The following MARCHF10 variants were observed in gnomAD, a reference collection of about 807,000 sequenced individuals.
MARCHF10 encodes membrane associated ring-CH-type finger 10.
A neutral mutation model predicts 76.2 loss-of-function variants in MARCHF10; 64 were observed. The observed-to-expected ratio is 0.84, with a 90% CI of 0.69 to 1.03. MARCHF10 has a LOEUF of 1.03. Ranked by LOEUF, MARCHF10 falls within the 50% of genes least tolerant of loss-of-function variation. The probability of loss-of-function intolerance (pLI) is 0.00; values close to 1 mark genes in which losing one functional copy is unlikely to be tolerated. For synonymous variants in MARCHF10, 340 were observed against 357.5 expected, an observed-to-expected ratio of 0.95 and a Z score of 0.55; for missense variants, 875 against 958.0, an observed-to-expected ratio of 0.91 and a Z score of 1.14.
chr17:62,743,932 C>G (rs746063417), intron 5 of MARCHF10, among the ~76,000 whole-genome samples: 1 of 152,178 alleles, frequency 6.6e-6, no homozygotes, highest in Non-Finnish European at 1.5e-5. Context: ...CTGTCACCCA[C>G]AGACACACAT....
At chr17:62,744,151 C>T (rs1187686808) in intron 5 of MARCHF10, among the ~76,000 whole-genome samples, 1 of 152,160 alleles carries the variant, frequency 6.6e-6, no homozygotes, top group Non-Finnish European at 1.5e-5. Context: ...AGATATCCCC[C>T]CCGACCCCGC....
At chr17:62,800,044 AT>A (rs1445236418) in intron 2 of MARCHF10, among the ~76,000 whole-genome samples, 1 of 152,154 alleles carries the variant, frequency 6.6e-6, no homozygotes, top group Non-Finnish European at 1.5e-5. Context: ...TATTTTCCTC[AT>A]TGTATTTATC....
chr17:62,726,145 C>T (rs1255743570), intron 6 of MARCHF10: 1 of 152,130 alleles, frequency 6.6e-6, no homozygotes, highest in Admixed American at 6.5e-5. Context: ...TAAGAACTAA[C>T]GAAAATGTAA....
intron 3 of MARCHF10, among the ~76,000 whole-genome samples, chr17:62,786,908 T>C (rs1254502041): frequency 1.3e-5 from 2 of 152,210 alleles, no homozygotes; most frequent in African/African-American, 2.4e-5. Flanking sequence ...GCAATTCCAA[T>C]CTGGGAAGAC....
intron 6 of MARCHF10, among the ~76,000 whole-genome samples, chr17:62,732,475 G>C (rs554063768): frequency 6.6e-6 from 1 of 152,234 alleles, no homozygotes; most frequent in East Asian, 1.9e-4. Context: ...GATCAACAGG[G>C]AACTATCCCA....
intron 10 of MARCHF10, 158 bp downstream of exon 10, chr17:62,705,381 T>C: frequency 6.5e-7 from 1 of 1,534,930 alleles, no homozygotes; most frequent in Non-Finnish European, 8.7e-7. Flanking sequence ...CCTTCCTGAT[T>C]GTTTGCTGCG....
chr17:62,783,234 T>A (rs2092693202), intron 3 of MARCHF10, among the ~76,000 whole-genome samples: 1 of 149,332 alleles, frequency 6.7e-6, no homozygotes, highest in African/African-American at 2.5e-5. Flanking sequence ...TTTTACTATG[T>A]TTTTCTTAAA....
Position 62,701,639 on chromosome 17 carries a change from T to C in MARCHF10, c.*64A>G. 18 of 1,612,400 alleles carry C rather than the reference T, an allele frequency of 1.1e-5. No homozygotes were observed. Among genetic ancestry groups the C allele is most frequent in the Non-Finnish European group, 1.5e-5 (18 of 1,179,678 alleles). ...AAAGAGGAGGAGGGAGGGAGGCACT[T>C]GGGGACGTAGAAAGAAGGGCTGGCG... On this transcript the variant is annotated 3_prime_UTR_variant, in exon 11 of 11. Coordinates refer to ENST00000311269, the MANE Select transcript of MARCHF10 (RefSeq NM_152598.4).
Position 62,737,271 on chromosome 17 carries a change from C to T in MARCHF10, c.597G>A (p.Glu199=). ...CNTKLKRPNQ[E]RRNLVPSSQP... ...GTGACGATGGGACCAAGTTTCTTCTCTCTTGATTTGGCCTCTTCAGCTTAG... is the reference window on the plus strand; with the variant it reads ...GTGACGATGGGACCAAGTTTCTTCTTTCTTGATTTGGCCTCTTCAGCTTAG... The change falls in exon 6 of 11, where the codon GAG becomes GAA. Residue 199 remains glutamate (E), a synonymous_variant. Transcript: ENST00000311269. 1 of 1,613,770 alleles carries T rather than the reference C, an allele frequency of 6.2e-7. No individual in the cohort carries two copies. The highest frequency in any genetic ancestry group is 8.5e-7 in the Non-Finnish European group (1 of 1,179,970).
intron 4 of MARCHF10, among the ~76,000 whole-genome samples, chr17:62,745,113 T>C (rs2091658794): frequency 6.6e-6 from 1 of 151,622 alleles, no homozygotes. Flanking sequence ...TTTTCTTTTT[T>C]TTTTTTTAAG....
At chr17:62,746,850 C>G in intron 4 of MARCHF10, 1 of 1,517,870 alleles carries the variant, frequency 6.6e-7, no homozygotes, top group African/African-American at 1.4e-5. Flanking sequence ...CACTGAGCCC[C>G]GCCACTGCAT....
intron 9 of MARCHF10, among the ~76,000 whole-genome samples, chr17:62,706,924 G>T (rs1331322902): frequency 6.6e-6 from 1 of 152,214 alleles, no homozygotes; most frequent in Non-Finnish European, 1.5e-5. Context: ...TCACCTCAAA[G>T]GTGGGGTAAA....
rs2089988096 is a variant in MARCHF10, at chr17:62,712,597, C to T, written c.2215-1253G>A. ...AGATCACTGCTGCAGGCCTCTCCAC[C>T]ATTCTACAGATCCATCTTCGAAGGC... On this transcript the variant is annotated intron_variant, in intron 8 of 10. Coordinates refer to ENST00000311269, the MANE Select transcript of MARCHF10 (RefSeq NM_152598.4). This position sits in a 1 kb window ranked among gnomAD's most constrained non-coding sequence, Gnocchi z 4.2. Among the ~76,000 whole-genome samples the T allele has an allele frequency of 2.6e-5, 4 of 152,226 alleles. No individual in the cohort carries two copies.
intron 2 of MARCHF10, among the ~76,000 whole-genome samples, chr17:62,797,173 A>C (rs1228712016): frequency 1.3e-5 from 2 of 152,178 alleles, no homozygotes; most frequent in Non-Finnish European, 2.9e-5. Context: ...AAGTCTTTAA[A>C]CTGTACACTT....
chr17:62,735,993 TG>T lies in MARCHF10; in HGVS notation c.1874del (p.Thr625LysfsTer9). On this transcript the variant is annotated frameshift_variant, in exon 6 of 11. Coordinates refer to ENST00000311269, the MANE Select transcript of MARCHF10 (RefSeq NM_152598.4). LOFTEE classifies it high-confidence loss of function. ...TTATCTTACTGGTTTCCTTTTCATC[TG>T]TGAAACCAGAGGCTGCCATCCTGCT... ...NGSRMAASGF[T>X]DEKETSKIKA... 6.2e-7 allele frequency: 1 copy of T among 1,613,916 alleles called. No homozygotes were observed. The highest frequency in any genetic ancestry group is 2.2e-5 in the East Asian group (1 of 44,886).
intron 9 of MARCHF10, among the ~76,000 whole-genome samples, chr17:62,708,763 C>T (rs995088350): frequency 4.6e-5 from 7 of 152,196 alleles, no homozygotes; most frequent in African/African-American, 1.7e-4. Flanking sequence ...TTCCTGGTAT[C>T]CATAGTGCCA....
At position 62,808,136 on chromosome 17, in the gene MARCHF10, G is replaced by C. The variant is rs1311590850; in HGVS notation, c.-77C>G. On this transcript the variant is annotated 5_prime_UTR_variant, in exon 1 of 11. Transcript: ENST00000311269. ...CAGGGGTCGAGGGGCTGGGCGGGCG[G>C]GCCGGTCCAGGGCGCAGGAGCCGCC... 1 of 140,874 alleles carries C rather than the reference G, an allele frequency of 7.1e-6. No homozygotes were observed. The highest frequency in any genetic ancestry group is 1.6e-5 in the Non-Finnish European group (1 of 64,118). 8.7% of individuals were successfully genotyped at this position (140,874 alleles called of 1,614,324 possible).
rs1226039125 is a variant in MARCHF10, at chr17:62,724,925, C to T, written c.2104+13G>A. On this transcript the variant is annotated intron_variant, in intron 7 of 10. Transcript: ENST00000311269. ...TGTCGTGGCACGTTCACTGCACTTC[C>T]TTCCCCACCTACCTGATGTTATTTT... The T allele has an allele frequency of 1.2e-6, 2 of 1,610,732 alleles. No individual in the cohort carries two copies. Among genetic ancestry groups the T allele is most frequent in the Non-Finnish European group, 8.5e-7 (1 of 1,178,782 alleles).
At position 62,731,890 on chromosome 17, in the gene MARCHF10, A is replaced by G. The variant is rs188641028; in HGVS notation, c.1937+4041T>C. Among the ~76,000 whole-genome samples, 18 of 152,360 alleles carry G rather than the reference A, an allele frequency of 1.2e-4. No homozygotes were observed. The East Asian group carries it at 3.5e-3, about 29-fold the overall frequency. Reference sequence around the variant, plus strand: ...ATGAGAAAAGGATTAAAAAGCATAGAGTTTGGAAAGAAAGAAATCAAACTA... The same window carrying G: ...ATGAGAAAAGGATTAAAAAGCATAGGGTTTGGAAAGAAAGAAATCAAACTA... On this transcript the variant is annotated intron_variant, in intron 6 of 10. Coordinates refer to ENST00000311269, the MANE Select transcript of MARCHF10 (RefSeq NM_152598.4).
Sources: allele counts gnomAD v4.1 joint callset (sites outside exome capture counted in the v4.1 genomes callset), GRCh38; gene constraint gnomAD v4.1.1; non-coding constraint Gnocchi (gnomAD v3.1); transcripts MANE v1.5; gene names NCBI Gene and HGNC (gene_info 2026-07-23, HGNC 2026-07-21).